FRMD4A: variants seen among roughly 807,000 people sequenced by gnomAD.
FRMD4A encodes the protein FERM domain-containing protein 4A.
A neutral mutation model predicts 129.1 loss-of-function variants in FRMD4A; 29 were observed. The ratio of observed to expected loss-of-function variants is 0.22; its 90% CI spans 0.17 to 0.31. FRMD4A has a LOEUF of 0.31. Ranked by LOEUF, FRMD4A falls within the 10% of genes least tolerant of loss-of-function variation. The pLI is 1.00. For missense variants in FRMD4A, 1,272 were observed against 1,375.8 expected (o/e 0.92, Z 1.19); for synonymous variants, 634 against 571.6 (o/e 1.11, Z -1.56).
At chr10:13,854,652 G>A (rs185100893) in intron 3 of FRMD4A, among the ~76,000 whole-genome samples, 2 of 149,294 alleles carry the variant, frequency 1.3e-5, no homozygotes, top group Admixed American at 1.4e-4. Context: ...GGCTGGTCTC[G>A]AACTCCTGAC....
At chr10:13,954,145 G>T (rs188549566) in intron 2 of FRMD4A, among the ~76,000 whole-genome samples, 1 of 152,190 alleles carries the variant, frequency 6.6e-6, no homozygotes, top group African/African-American at 2.4e-5. Context: ...CGCAGGTTGG[G>T]TTGTGTTGGT....
intron 2 of FRMD4A, among the ~76,000 whole-genome samples, chr10:14,271,653 C>T (rs1267429441): frequency 2.0e-5 from 3 of 152,298 alleles, no homozygotes; most frequent in African/African-American, 7.2e-5. Flanking sequence ...TCTATTATTG[C>T]CTTCTTCTTT....
chr10:13,852,521 A>G (rs570010131), intron 3 of FRMD4A, among the ~76,000 whole-genome samples: 75 of 152,284 alleles, frequency 4.9e-4, no homozygotes, highest in Middle Eastern at 3.4e-3. Flanking sequence ...CCACACCTGG[A>G]CCAAGATTTT....
intron 2 of FRMD4A, among the ~76,000 whole-genome samples, chr10:13,953,863 G>A (rs1273041205): frequency 6.6e-6 from 1 of 152,152 alleles, no homozygotes; most frequent in Non-Finnish European, 1.5e-5. Flanking sequence ...ACCCCCTCAA[G>A]GATAAGGGTA....
At chr10:14,149,193 C>G (rs1433672566) in intron 2 of FRMD4A, among the ~76,000 whole-genome samples, 1 of 152,106 alleles carries the variant, frequency 6.6e-6, no homozygotes, top group Non-Finnish European at 1.5e-5. Flanking sequence ...GTAAGTATTT[C>G]CATGAAAAAT....
chr10:14,008,841 G>A (rs1226135383), intron 2 of FRMD4A, among the ~76,000 whole-genome samples: 1 of 152,016 alleles, frequency 6.6e-6, no homozygotes, highest in Non-Finnish European at 1.5e-5. Flanking sequence ...GCTTTCTAAC[G>A]CATAAAAATA....
chr10:13,765,098 T>C (rs936516452), intron 6 of FRMD4A, among the ~76,000 whole-genome samples: 6 of 143,134 alleles, frequency 4.2e-5, no homozygotes, highest in Middle Eastern at 3.3e-3. Flanking sequence ...GATTCAAGGA[T>C]TGATTTTTTT....
At chr10:14,126,169 C>CTTT (rs55649566) in intron 2 of FRMD4A, among the ~76,000 whole-genome samples, 33,791 of 122,128 alleles carry the variant, frequency 0.28, 5,521 homozygotes, top group East Asian at 0.49. Context: ...ACCTTGCCCA[C>CTTT]TTTTTTTTTT....
intron 2 of FRMD4A, among the ~76,000 whole-genome samples, chr10:13,936,756 C>T (rs2095252223): frequency 6.6e-6 from 1 of 152,176 alleles, no homozygotes; most frequent in East Asian, 1.9e-4. Flanking sequence ...TAGATGAAGA[C>T]CCTCTTCCTT....
At chr10:14,100,736 G>A (rs886921599) in intron 2 of FRMD4A, among the ~76,000 whole-genome samples, 2 of 151,862 alleles carry the variant, frequency 1.3e-5, no homozygotes, top group African/African-American at 4.8e-5. Flanking sequence ...TGATTGATAG[G>A]ATTTTAGGTG....
chr10:13,894,876 G>A (rs969198643), intron 2 of FRMD4A, among the ~76,000 whole-genome samples: 9 of 152,176 alleles, frequency 5.9e-5, no homozygotes, highest in African/African-American at 9.7e-5. Flanking sequence ...CATTCTGCCT[G>A]GGCTTGAATC....
intron 2 of FRMD4A, among the ~76,000 whole-genome samples, chr10:14,135,223 T>C (rs1839474126): frequency 6.6e-6 from 1 of 152,236 alleles, no homozygotes; most frequent in Non-Finnish European, 1.5e-5. Flanking sequence ...TGAGTCCTTG[T>C]GGATGAACTG....
chr10:14,141,483 G>A (rs956913704), intron 2 of FRMD4A, among the ~76,000 whole-genome samples: 1 of 152,106 alleles, frequency 6.6e-6, no homozygotes, highest in African/African-American at 2.4e-5. Context: ...GAGACATCAT[G>A]AAACATCATG....
chr10:14,153,375 G>A (rs1840436516), intron 2 of FRMD4A, among the ~76,000 whole-genome samples: 1 of 152,136 alleles, frequency 6.6e-6, no homozygotes, highest in South Asian at 2.1e-4. Flanking sequence ...TACACCAAAT[G>A]ATGCGTGTAC....
At chr10:14,011,556 C>T (rs2095682458) in intron 2 of FRMD4A, among the ~76,000 whole-genome samples, 1 of 152,128 alleles carries the variant, frequency 6.6e-6, no homozygotes, top group South Asian at 2.1e-4. Flanking sequence ...GCAGCATCTT[C>T]CAGCCAGTTG....
intron 2 of FRMD4A, among the ~76,000 whole-genome samples, chr10:14,217,492 C>T: frequency 6.6e-6 from 1 of 152,200 alleles, no homozygotes; most frequent in East Asian, 1.9e-4. Context: ...AAAGATGTAC[C>T]TTTCACCTTC....
chr10:13,891,961 GGCCACCGCGC>G (rs1156622773), intron 2 of FRMD4A, among the ~76,000 whole-genome samples: 3 of 149,552 alleles, frequency 2.0e-5, no homozygotes, highest in African/African-American at 4.9e-5. Context: ...GGTGCTAGGC[GGCCACCGCGC>G]GCCACCGCCG....
rs548965158 is a variant in FRMD4A at position 13,771,844 on chromosome 10, C to T, written c.385-9164G>A. ...CCTGTAATCTCAGCACTTTAGGAGG[C>T]CAAGGAAGGAGGATCACTGGAGCCC... On this transcript the variant is annotated intron_variant, in intron 6 of 24. Transcript: ENST00000357447. 3.1e-4 allele frequency among the ~76,000 whole-genome samples: 47 copies of T among 152,100 alleles called. No individual in the cohort carries two copies. In the South Asian group the frequency reaches 9.3e-3, roughly 30 times the overall value.
intron 12 of FRMD4A, among the ~76,000 whole-genome samples, chr10:13,734,466 ACTC>A (rs1417353670): frequency 6.6e-6 from 1 of 150,446 alleles, no homozygotes; most frequent in African/African-American, 2.4e-5. Flanking sequence ...CCCCTCACCA[ACTC>A]CTCTCTTTTC....
Sources: gnomAD v4.1 joint callset for allele counts (sites outside exome capture counted in the v4.1 genomes callset) on GRCh38, gnomAD v4.1.1 for gene constraint, MANE v1.5 for transcripts, NCBI Gene and HGNC (gene_info 2026-07-23, HGNC 2026-07-21) for gene names.